DACH2: variants seen among roughly 807,000 people sequenced by gnomAD.
DACH2 encodes dachshund homolog 2.
In DACH2, 17 loss-of-function variants were observed where a neutral mutation model predicts 35.8. The observed-to-expected ratio is 0.48, with a 90% CI of 0.33 to 0.71. DACH2 has a LOEUF of 0.71. Ranked by LOEUF, DACH2 falls within the 30% of genes least tolerant of loss-of-function variation. The pLI is 0.02. For synonymous variants in DACH2, 195 were observed against 177.3 expected (o/e 1.10, Z -0.79); for missense variants, 469 against 472.7 (o/e 0.99, Z 0.07).
At chrX:86,181,162 A>ATCTG (rs1257594471) in intron 1 of DACH2, among the ~76,000 whole-genome samples, 3 of 108,354 alleles carry the variant, frequency 2.8e-5, no homozygotes, top group African/African-American at 1.0e-4. Flanking sequence ...CTGTCTATCT[A>ATCTG]TCTATCTATC....
At chrX:86,504,082 CAT>C (rs1204635489) in intron 2 of DACH2, among the ~76,000 whole-genome samples, 3 of 34,616 alleles carry the variant, frequency 8.7e-5, no homozygotes, top group Admixed American at 8.7e-4. Context: ...AAGATGTTCA[CAT>C]GTTGGTTGTT....
chrX:86,335,738 A>G (rs1052840084), intron 1 of DACH2, among the ~76,000 whole-genome samples: 10 of 111,337 alleles, frequency 9.0e-5, no homozygotes, highest in African/African-American at 3.3e-4. Flanking sequence ...AATACTTTTT[A>G]TTGCTTTCCT....
intron 6 of DACH2, among the ~76,000 whole-genome samples, chrX:86,737,086 T>C (rs1014718749): frequency 1.9e-4 from 21 of 111,543 alleles, no homozygotes; most frequent in African/African-American, 6.8e-4. Flanking sequence ...ATAGTTTAAG[T>C]TGAATTTCAC....
intron 3 of DACH2, among the ~76,000 whole-genome samples, chrX:86,626,755 G>T (rs1466377521): frequency 8.9e-6 from 1 of 112,872 alleles, no homozygotes; most frequent in African/African-American, 3.2e-5. Context: ...AGCCTGAGCT[G>T]TATGTTGGTC....
At chrX:86,664,745 G>C (rs1274882740) in intron 4 of DACH2, among the ~76,000 whole-genome samples, 4 of 112,108 alleles carry the variant, frequency 3.6e-5, no homozygotes, top group Non-Finnish European at 5.6e-5. Flanking sequence ...GCAGATGCAG[G>C]AGGATTCTGC....
At chrX:86,722,526 T>C (rs764212258) in intron 6 of DACH2, among the ~76,000 whole-genome samples, 1 of 109,369 alleles carries the variant, frequency 9.1e-6, no homozygotes, top group Non-Finnish European at 1.9e-5. Context: ...TGTGTTTTTT[T>C]TTTTATTTTA....
intron 7 of DACH2, among the ~76,000 whole-genome samples, chrX:86,779,766 C>T (rs1333724976): frequency 2.7e-5 from 3 of 111,793 alleles, no homozygotes; most frequent in Non-Finnish European, 5.6e-5. Context: ...TTTGTTAGTT[C>T]ATGTGAGAGG....
intron 2 of DACH2, among the ~76,000 whole-genome samples, chrX:86,475,576 T>G (rs2037829730): frequency 8.9e-6 from 1 of 112,256 alleles, no homozygotes; most frequent in African/African-American, 3.2e-5. Flanking sequence ...GTTCTAACAA[T>G]TTTTTGGTGG....
chrX:86,811,275 C>G (rs929016734), intron 7 of DACH2, among the ~76,000 whole-genome samples: 1 of 111,641 alleles, frequency 9.0e-6, no homozygotes, highest in African/African-American at 3.3e-5. Context: ...AAGTTTCCCA[C>G]AAATGAATGG....
intron 1 of DACH2, among the ~76,000 whole-genome samples, chrX:86,186,615 A>G (rs758292424): frequency 7.3e-4 from 82 of 111,769 alleles, no homozygotes; most frequent in Non-Finnish European, 1.2e-3. Flanking sequence ...AAAGAGCTAT[A>G]AAGTGGAAAA....
chrX:86,823,480 C>T (rs1174697620), intron 11 of DACH2, among the ~76,000 whole-genome samples: 2 of 102,844 alleles, frequency 1.9e-5, no homozygotes, highest in Non-Finnish European at 4.1e-5. Flanking sequence ...TGGTAATGAT[C>T]CACATACTTC....
intron 1 of DACH2, among the ~76,000 whole-genome samples, chrX:86,338,515 C>G (rs983632181): frequency 3.6e-5 from 4 of 111,747 alleles, no homozygotes; most frequent in African/African-American, 1.3e-4. Context: ...TTCTTTGAAA[C>G]CAATGAGAAC....
chrX:86,675,044 C>T (rs1373662674), intron 4 of DACH2, among the ~76,000 whole-genome samples: 1 of 111,785 alleles, frequency 8.9e-6, no homozygotes, highest in African/African-American at 3.2e-5. Flanking sequence ...CAAAAGCTTG[C>T]ATTTGCATAT....
chrX:86,252,702 G>A (rs1232295891), intron 1 of DACH2, among the ~76,000 whole-genome samples: 1 of 111,241 alleles, frequency 9.0e-6, no homozygotes, highest in African/African-American at 3.3e-5. Context: ...ATTAGTCTAT[G>A]TGTCTATTTT....
intron 2 of DACH2, among the ~76,000 whole-genome samples, chrX:86,467,616 C>T (rs956356994): frequency 5.4e-5 from 6 of 111,382 alleles, no homozygotes; most frequent in African/African-American, 2.0e-4. Context: ...TTCCAGGTGG[C>T]CTTATAGCAG....
chrX:86,593,398 TTTTTATTTTA>T (rs199630866), intron 3 of DACH2, among the ~76,000 whole-genome samples: 105 of 91,464 alleles, frequency 1.1e-3, no homozygotes, highest in Middle Eastern at 5.4e-3. Flanking sequence ...TATATATATT[TTTTTATTTTA>T]TTTTATTTTA....
chrX:86,546,404 C>CTTCTTCTTCCTTCTTCTTCCTTCTT (rs774988785), intron 3 of DACH2, among the ~76,000 whole-genome samples: 408 of 21,001 alleles, frequency 0.019, 1 homozygote, highest in East Asian at 0.048. Flanking sequence ...TCTTCTTCTT[C>CTTCTTCTTCCTTCTTCTTCCTTCTT]CTTCTTCTTC....
At chrX:86,255,840 T>C (rs918075829) in intron 1 of DACH2, among the ~76,000 whole-genome samples, 3 of 111,944 alleles carry the variant, frequency 2.7e-5, no homozygotes, top group Non-Finnish European at 3.8e-5. Context: ...CTGATTGCAT[T>C]TTAATAAACA....
chrX:86,337,860 G>A (rs1351027997), intron 1 of DACH2, among the ~76,000 whole-genome samples: 1 of 111,685 alleles, frequency 9.0e-6, no homozygotes, highest in Non-Finnish European at 1.9e-5. Flanking sequence ...ATAAAGGGAT[G>A]TAGGATTATT....
Sources: gnomAD v4.1 joint callset for allele counts (sites outside exome capture counted in the v4.1 genomes callset) on GRCh38, gnomAD v4.1.1 for gene constraint, MANE v1.5 for transcripts, NCBI Gene and HGNC (gene_info 2026-07-23, HGNC 2026-07-21) for gene names.